The following IL17REL variants were observed in gnomAD, a reference collection of about 807,000 sequenced individuals.
The protein encoded by IL17REL is interleukin 17 receptor E like.
In IL17REL, 36 loss-of-function variants were observed where a neutral mutation model predicts 49.0. The observed-to-expected ratio is 0.73, with a 90% CI of 0.56 to 0.97. IL17REL has a LOEUF of 0.97. IL17REL is among the 50% of genes least tolerant of loss of function. IL17REL has a pLI of 0.00. For synonymous variants in IL17REL, 206 were observed against 192.4 expected (o/e 1.07, Z -0.58); for missense variants, 470 against 453.9 (o/e 1.04, Z -0.32).
chr22:50,006,449 C>G (rs964568956), intron 1 of IL17REL, among the ~76,000 whole-genome samples: 1 of 152,064 alleles, frequency 6.6e-6, no homozygotes, highest in Non-Finnish European at 1.5e-5. Context: ...AACAAGCACA[C>G]CAGGAAGCAG....
intron 2 of IL17REL, 48 bp from the exon 4 acceptor site, chr22:50,000,911 C>T: frequency 7.0e-7 from 1 of 1,425,750 alleles, no homozygotes; most frequent in Non-Finnish European, 9.4e-7. Context: ...AGGGCCGCCC[C>T]TGGCTCCGGA....
exon 13 of IL17REL, chr22:49,996,771 C>T: frequency 4.1e-6 from 2 of 488,188 alleles, no homozygotes; most frequent in Non-Finnish European, 3.6e-6. Flanking sequence ...TAGTCCTCGG[C>T]CTCCTGCGGC....
chr22:49,998,307 T>C (rs1219124195), exon 8 of IL17REL: 3 of 1,602,080 alleles, frequency 1.9e-6, no homozygotes, highest in Non-Finnish European at 2.6e-6. Flanking sequence ...AGTGCCTCAG[T>C]GTCTGCAGGA....
In IL17REL at chr22:49,998,294, T is replaced by A; in HGVS notation, c.617A>T (p.Glu206Val). The A allele has an allele frequency of 6.2e-7, 1 of 1,606,000 alleles. No homozygotes were observed. Among genetic ancestry groups the A allele is most frequent in the Admixed American group, 1.7e-5 (1 of 58,496 alleles). The change falls in exon 8 of 13, where the codon GAG (glutamate) becomes GTG (valine). Residue 206 changes from glutamate to valine, a missense_variant. Transcript: ENST00000341280. ...GTAGTAGACCGTGTCCCACAGCACC[T>A]CCAGTGCCTCAGTGTCTGCAGGAAC...
upstream of IL17REL, among the ~76,000 whole-genome samples, chr22:50,012,016 C>G (rs1392804940): frequency 6.6e-6 from 1 of 152,358 alleles, no homozygotes; most frequent in South Asian, 2.1e-4. Flanking sequence ...ACCGGGGCCC[C>G]TTCCTGGGAT....
At position 49,999,509 on chromosome 22, in the gene IL17REL, C is replaced by T; in HGVS notation, c.475-7G>A. On this transcript the variant is annotated splice_region_variant and splice_polypyrimidine_tract_variant and intron_variant, in intron 5 of 12. Transcript: ENST00000341280. Reference sequence around the variant, plus strand: ...AGACGCTGTTGGCGGTCACCTGCAACCCAGAAAGGGCGGCTGAGGGGCCGC... The same window carrying T: ...AGACGCTGTTGGCGGTCACCTGCAATCCAGAAAGGGCGGCTGAGGGGCCGC... The T allele has an allele frequency of 1.2e-6, 2 of 1,601,452 alleles. No homozygotes were observed. The highest frequency in any genetic ancestry group is 1.8e-4 in the Middle Eastern group (1 of 5,494).
chr22:49,999,516 A>AG lies in IL17REL; in HGVS notation c.475-15dup. 1.4e-6 allele frequency: 2 copies of AG among 1,394,790 alleles called. No homozygotes were observed. The highest frequency in any genetic ancestry group is 1.9e-6 in the Non-Finnish European group (2 of 1,046,912). The allele number at this position is 1,394,790 out of a possible 1,614,324, so 86.4% of individuals were successfully genotyped here. On this transcript the variant is annotated splice_polypyrimidine_tract_variant and intron_variant, in intron 5 of 12. Transcript: ENST00000341280. Reference sequence around the variant, plus strand: ...GTTGGCGGTCACCTGCAACCCAGAAAGGGCGGCTGAGGGGCCGCGCGGGAG... The same window carrying AG: ...GTTGGCGGTCACCTGCAACCCAGAAAGGGGCGGCTGAGGGGCCGCGCGGGAG...
At chr22:49,998,714 TAC>T (rs1404724298) in intron 7 of IL17REL, among the ~76,000 whole-genome samples, 1 of 148,934 alleles carries the variant, frequency 6.7e-6, no homozygotes, top group Non-Finnish European at 1.5e-5. Context: ...TGTGCATGTG[TAC>T]GTGTTTGCAT....
chr22:49,997,145 A>C, intron 11 of IL17REL, 71 bp from the exon 14 acceptor site: 1 of 1,458,500 alleles, frequency 6.9e-7, no homozygotes, highest in Non-Finnish European at 9.4e-7. Context: ...TCCTTCTCCC[A>C]CATCCTCTCA....
intron 1 of IL17REL, 92 bp from the exon 3 acceptor site, chr22:50,001,323 G>A: frequency 1.7e-6 from 1 of 577,298 alleles, no homozygotes; most frequent in African/African-American, 2.6e-5. Context: ...GAGCCCTGGG[G>A]CTGCAGTCTT....
At chr22:50,012,206 G>A (rs969642394), upstream of IL17REL, among the ~76,000 whole-genome samples, 6 of 152,158 alleles carry the variant, frequency 3.9e-5, no homozygotes, top group South Asian at 2.1e-4. Context: ...CAGGTGTTGC[G>A]GGCTCCCGAT....
chr22:49,993,854 CT>C (rs1392687288), downstream of IL17REL, among the ~76,000 whole-genome samples: 1 of 152,280 alleles, frequency 6.6e-6, no homozygotes, highest in Admixed American at 6.5e-5. This position sits in a 1 kb window ranked among gnomAD's most constrained non-coding sequence, Gnocchi z 6.0. Flanking sequence ...GGGAGCACCC[CT>C]GGCTGGTCCA....
intron 1 of IL17REL, among the ~76,000 whole-genome samples, chr22:50,003,280 GGAAGGCCAAGGCGGGC>G (rs2061088827): frequency 6.6e-6 from 1 of 152,128 alleles, no homozygotes; most frequent in South Asian, 2.1e-4. Flanking sequence ...CCAGCACTTT[GGAAGGCCAAGGCGGGC>G]GGATCACCTG....
exon 10 of IL17REL, chr22:49,997,685 T>C (rs1421595251): frequency 3.7e-6 from 6 of 1,613,618 alleles, no homozygotes; most frequent in Admixed American, 3.3e-5. Context: ...GAGAACTTAC[T>C]TGGGAAGCGA....
At chr22:50,001,518 C>G (rs2061080477) in intron 1 of IL17REL, among the ~76,000 whole-genome samples, 1 of 152,202 alleles carries the variant, frequency 6.6e-6, no homozygotes, top group Admixed American at 6.5e-5. Context: ...CCCACCTGGC[C>G]AGCAAGGGGG....
chr22:50,007,980 C>G (rs2061119143), intron 1 of IL17REL, among the ~76,000 whole-genome samples: 2 of 151,230 alleles, frequency 1.3e-5, no homozygotes, highest in Admixed American at 1.4e-4. Flanking sequence ...GGCTCAAGTT[C>G]ACAATCCCAG....
chr22:49,998,417 G>GTCC (rs137844), intron 7 of IL17REL, 108 bp from the exon 10 acceptor site: 930,111 of 995,456 alleles, frequency 0.93, 435,811 homozygotes, highest in African/African-American at 0.98. Context: ...GTCCAGCGCA[G>GTCC]TCCTATGGGT....
downstream of IL17REL, among the ~76,000 whole-genome samples, chr22:49,993,141 A>C (rs1255838045): frequency 6.6e-6 from 1 of 152,186 alleles, no homozygotes; most frequent in African/African-American, 2.4e-5. The surrounding 1 kb of genome is among the most constrained non-coding windows in gnomAD (Gnocchi z 6.0). Flanking sequence ...AGGCAGCCCC[A>C]GACTTGGTCC....
intron 1 of IL17REL, among the ~76,000 whole-genome samples, 164 bp from the exon 3 acceptor site, chr22:50,001,395 G>C (rs1470734926): frequency 2.6e-5 from 4 of 152,174 alleles, no homozygotes; most frequent in Non-Finnish European, 1.5e-5. Flanking sequence ...CTGGCATGTG[G>C]TGAGCCCCCA....
Sources: gnomAD v4.1 joint callset for allele counts (sites outside exome capture counted in the v4.1 genomes callset) on GRCh38, gnomAD v4.1.1 for gene constraint, Gnocchi (gnomAD v3.1) non-coding constraint, MANE v1.5 for transcripts, NCBI Gene and HGNC (gene_info 2026-07-23, HGNC 2026-07-21) for gene names.